Variants in SLC5A11 observed in about 807,000 individuals in gnomAD.
The protein encoded by SLC5A11 is solute carrier family 5 member 11, also known as sodium/myo-inositol cotransporter 2.
In SLC5A11, 48 loss-of-function variants were observed where a neutral mutation model predicts 69.8. The observed-to-expected ratio is 0.69, with a 90% CI of 0.55 to 0.87. The LOEUF (loss-of-function observed/expected upper bound fraction) is 0.87, where lower values mean the gene tolerates loss of function less well. SLC5A11 is among the 40% of genes least tolerant of loss of function. The pLI, the probability that SLC5A11 is intolerant of heterozygous loss-of-function variation, is 0.00. For synonymous variants in SLC5A11, 319 were observed against 342.4 expected, an observed-to-expected ratio of 0.93 and a Z score of 0.75; for missense variants, 784 against 866.1, an observed-to-expected ratio of 0.91 and a Z score of 1.19.
intron 3 of SLC5A11, among the ~76,000 whole-genome samples, chr16:24,869,424 A>G (rs1026898663): frequency 3.3e-5 from 5 of 152,320 alleles, no homozygotes; most frequent in African/African-American, 7.2e-5. Context: ...CAGGGAGACC[A>G]GGGATTGGCA....
chr16:24,875,736 G>T lies in SLC5A11; in HGVS notation c.477+5G>T. ...TACATCTTCACCAAGATCTCGGTAA[G>T]GCAGGGACACAGCCTGGCCTCACCC... On this transcript the variant is annotated splice_donor_5th_base_variant and intron_variant, in intron 6 of 15. Transcript: ENST00000347898. 2 of 1,611,568 alleles carry T rather than the reference G, an allele frequency of 1.2e-6. No homozygotes were observed. Among genetic ancestry groups the T allele is most frequent in the African/African-American group, 1.3e-5 (1 of 74,966 alleles).
chr16:24,894,776 G>T (rs1306927357), intron 9 of SLC5A11, among the ~76,000 whole-genome samples: 1 of 150,264 alleles, frequency 6.7e-6, no homozygotes, highest in Non-Finnish European at 1.5e-5. Flanking sequence ...CTCCAGCCTG[G>T]GTGACAGAGC....
intron 10 of SLC5A11, among the ~76,000 whole-genome samples, chr16:24,905,379 G>GT (rs2049957925): frequency 6.6e-6 from 1 of 151,274 alleles, no homozygotes; most frequent in African/African-American, 2.4e-5. Flanking sequence ...GGAAGAGGAA[G>GT]TTGCAGTGAG....
chr16:24,883,865 A>C (rs1202296466), intron 7 of SLC5A11, among the ~76,000 whole-genome samples, 186 bp from the exon 9 acceptor site: 2 of 152,256 alleles, frequency 1.3e-5, no homozygotes, highest in Non-Finnish European at 2.9e-5. Flanking sequence ...TCAACGTGAA[A>C]GGAGCAGCAA....
At chr16:24,869,999 A>G in exon 4 of SLC5A11, 1 of 1,610,620 alleles carries the variant, frequency 6.2e-7, no homozygotes, top group South Asian at 1.1e-5. Flanking sequence ...CAGCTTATGA[A>G]CTTAATGTAA....
At chr16:24,851,030 C>T (rs557997332) in intron 1 of SLC5A11, among the ~76,000 whole-genome samples, 26 of 151,344 alleles carry the variant, frequency 1.7e-4, no homozygotes, top group African/African-American at 6.0e-4. Context: ...AGGCTGGTCT[C>T]GAACTCTGGA....
chr16:24,895,937 G>A (rs1018026082), intron 9 of SLC5A11, among the ~76,000 whole-genome samples: 1 of 152,064 alleles, frequency 6.6e-6, no homozygotes, highest in African/African-American at 2.4e-5. Context: ...TTGGGGCTGT[G>A]GTATGGGGTT....
intron 1 of SLC5A11, among the ~76,000 whole-genome samples, chr16:24,852,625 A>G (rs993143019): frequency 6.6e-6 from 1 of 152,128 alleles, no homozygotes; most frequent in Non-Finnish European, 1.5e-5. Flanking sequence ...ATCACCATGC[A>G]AGGGACAAAG....
chr16:24,884,753 T>C (rs1482141495), intron 8 of SLC5A11, among the ~76,000 whole-genome samples: 3 of 151,970 alleles, frequency 2.0e-5, no homozygotes, highest in Admixed American at 1.3e-4. Context: ...GTTGTTTGTT[T>C]GTTTCGAGAC....
chr16:24,908,777 G>A, intron 13 of SLC5A11, 104 bp from the exon 15 acceptor site: 1 of 1,006,884 alleles, frequency 9.9e-7, no homozygotes, highest in Non-Finnish European at 1.5e-6. Context: ...ACCCGTGCTT[G>A]CAGTGACCAC....
intron 7 of SLC5A11, among the ~76,000 whole-genome samples, chr16:24,879,050 A>G (rs544680443): frequency 1.1e-4 from 16 of 152,094 alleles, no homozygotes; most frequent in Non-Finnish European, 2.2e-4. Context: ...TAAATAAATA[A>G]ATATGTCAGT....
intron 10 of SLC5A11, among the ~76,000 whole-genome samples, chr16:24,900,358 C>G (rs567229279): frequency 1.3e-5 from 2 of 152,252 alleles, no homozygotes; most frequent in Non-Finnish European, 2.9e-5. Flanking sequence ...GAAGCTTAGT[C>G]AAAATAATTT....
chr16:24,901,958 GCACA>G (rs56126191), intron 10 of SLC5A11, among the ~76,000 whole-genome samples: 30 of 136,668 alleles, frequency 2.2e-4, no homozygotes, highest in Middle Eastern at 3.6e-3. Context: ...ACACACACAC[GCACA>G]CACACACACA....
chr16:24,873,772 G>T (rs143411106), intron 5 of SLC5A11, among the ~76,000 whole-genome samples: 67 of 151,094 alleles, frequency 4.4e-4, no homozygotes, highest in African/African-American at 1.6e-3. Context: ...CAATGCAGTT[G>T]AATTTTACTT....
chr16:24,893,116 C>CA lies in SLC5A11; in HGVS notation c.870+2067dup, dbSNP rs58331547. Among the ~76,000 whole-genome samples the CA allele has an allele frequency of 8.4e-3, 833 of 98,920 alleles. 9 individuals are homozygous for CA. The highest frequency in any genetic ancestry group is 0.023 in the African/African-American group (454 of 20,134). 64.9% of individuals were successfully genotyped at this position (98,920 alleles called of 152,430 possible). A position where few individuals can be genotyped will look rare whatever the true frequency, so the allele number is the denominator to read the frequency against. On this transcript the variant is annotated intron_variant, in intron 9 of 15. Transcript: ENST00000347898. ...CAAAACCCTGTCTCTACTAAAAATA[C>CA]AAAAAAAAAAAAAAAAAAAAAAAAA...
At chr16:24,852,588 C>G (rs150331643) in intron 1 of SLC5A11, among the ~76,000 whole-genome samples, 1 of 152,266 alleles carries the variant, frequency 6.6e-6, no homozygotes, top group Non-Finnish European at 1.5e-5. Flanking sequence ...CCAACCAGAC[C>G]CTCCTGAGGC....
chr16:24,878,574 T>G lies in SLC5A11; in HGVS notation c.583+1211T>G, dbSNP rs74015765. Among the ~76,000 whole-genome samples the G allele has an allele frequency of 9.0e-3, 1,373 of 152,302 alleles. 20 individuals carry two copies. The highest frequency in any genetic ancestry group is 0.032 in the African/African-American group (1,327 of 41,558). ...GTATCTCTATATTATGTACCTTGTA[T>G]CTATATATCATGTATTTACATACAC... is the stretch of plus-strand genomic sequence containing the variant. On this transcript the variant is annotated intron_variant, in intron 7 of 15. Transcript: ENST00000347898.
chr16:24,854,450 GAC>G (rs942156713), intron 1 of SLC5A11, among the ~76,000 whole-genome samples: 1 of 150,248 alleles, frequency 6.7e-6, no homozygotes, highest in Non-Finnish European at 1.5e-5. Flanking sequence ...TTTTTCCGGA[GAC>G]AGAGTCTCAC....
chr16:24,911,111 G>C (rs1003200445), intron 15 of SLC5A11, among the ~76,000 whole-genome samples: 1 of 148,944 alleles, frequency 6.7e-6, no homozygotes, highest in South Asian at 2.1e-4. Flanking sequence ...GGAGGTTGCA[G>C]TGAGCCGAGA....
Sources: allele counts gnomAD v4.1 joint callset (sites outside exome capture counted in the v4.1 genomes callset), GRCh38; gene constraint gnomAD v4.1.1; transcripts MANE v1.5; gene names NCBI Gene and HGNC (gene_info 2026-07-23, HGNC 2026-07-21).